ACYP2: variants seen among roughly 807,000 people sequenced by gnomAD.
The protein encoded by ACYP2 is acylphosphatase 2.
A neutral mutation model predicts 11.2 loss-of-function variants in ACYP2; 12 were observed. The ratio of observed to expected loss-of-function variants is 1.08; its 90% CI spans 0.69 to 1.74. ACYP2 has a LOEUF of 1.74. Ranked by LOEUF, ACYP2 falls within the 40% of genes most tolerant of loss-of-function variation. The pLI, the probability that ACYP2 is intolerant of heterozygous loss-of-function variation, is 0.00. For synonymous variants in ACYP2, 43 were observed against 32.2 expected (o/e 1.33, Z -1.13); for missense variants, 134 against 101.9 (o/e 1.31, Z -1.35).
At chr2:54,291,853 T>C (rs976915717) in intron 6 of ACYP2, among the ~76,000 whole-genome samples, 1 of 152,170 alleles carries the variant, frequency 6.6e-6, no homozygotes, top group Non-Finnish European at 1.5e-5. Context: ...TGAAATTGGG[T>C]CATAGAGATC....
intron 4 of ACYP2, among the ~76,000 whole-genome samples, chr2:54,108,078 C>G (rs1055636342): frequency 6.6e-6 from 1 of 152,158 alleles, no homozygotes; most frequent in South Asian, 2.1e-4. Context: ...TGGTGCCCCA[C>G]AAGCCAGTGA....
chr2:54,116,667 G>A (rs992120751), intron 4 of ACYP2, among the ~76,000 whole-genome samples: 2 of 152,110 alleles, frequency 1.3e-5, no homozygotes, highest in Admixed American at 6.5e-5. Context: ...AAGAACTAGC[G>A]CTCAAAGAAT....
At chr2:54,116,616 G>A (rs1341557725) in intron 4 of ACYP2, among the ~76,000 whole-genome samples, 5 of 151,608 alleles carry the variant, frequency 3.3e-5, no homozygotes, top group Admixed American at 1.3e-4. Flanking sequence ...TGACAATAAG[G>A]CTCTCTTAGA....
chr2:54,260,819 C>T (rs1182441432), intron 6 of ACYP2, among the ~76,000 whole-genome samples: 3 of 151,950 alleles, frequency 2.0e-5, no homozygotes, highest in African/African-American at 7.3e-5. Context: ...GAAGGATAGT[C>T]TATGTGTATA....
chr2:54,229,701 C>G (rs150740058), intron 6 of ACYP2, among the ~76,000 whole-genome samples: 1 of 152,146 alleles, frequency 6.6e-6, no homozygotes, highest in South Asian at 2.1e-4. Context: ...GCACCAAAGA[C>G]TAGTTTTTCT....
Position 54,286,366 on chromosome 2 carries a change from G to T in ACYP2, c.405-18322G>T, listed in dbSNP as rs138768236. Among the ~76,000 whole-genome samples the T allele has an allele frequency of 3.9e-5, 6 of 152,122 alleles. No homozygotes were observed. The East Asian group carries it at 1.2e-3, about 29-fold the overall frequency. On this transcript the variant is annotated intron_variant, in intron 6 of 6. Transcript: ENST00000607452. Reference sequence around the variant, plus strand: ...GATCAAAATTCAACATTTGAAGTAAGATTTCTACTAAATGTTTATCATGTT... The same window carrying T: ...GATCAAAATTCAACATTTGAAGTAATATTTCTACTAAATGTTTATCATGTT...
intron 4 of ACYP2, among the ~76,000 whole-genome samples, chr2:54,121,561 A>G (rs568969344): frequency 4.7e-4 from 72 of 152,372 alleles, no homozygotes; most frequent in Non-Finnish European, 7.9e-4. Flanking sequence ...TGGCTTTGTC[A>G]GATAATGCAT....
At chr2:54,039,667 C>T (rs1486811671) in intron 2 of ACYP2, among the ~76,000 whole-genome samples, 1 of 152,114 alleles carries the variant, frequency 6.6e-6, no homozygotes, top group African/African-American at 2.4e-5. Context: ...ATCCACCCAC[C>T]TCAGCCTCCC....
chr2:54,287,550 G>C (rs868776197), intron 6 of ACYP2, among the ~76,000 whole-genome samples: 5 of 151,944 alleles, frequency 3.3e-5, no homozygotes, highest in Non-Finnish European at 5.9e-5. Flanking sequence ...GACTAGGTTA[G>C]AGCAGGCAGT....
intron 6 of ACYP2, among the ~76,000 whole-genome samples, chr2:54,234,689 T>C (rs897872844): frequency 3.3e-5 from 5 of 152,338 alleles, no homozygotes; most frequent in African/African-American, 1.2e-4. Context: ...AGATTAATTT[T>C]TTCCTTAAAA....
intron 6 of ACYP2, among the ~76,000 whole-genome samples, chr2:54,286,048 A>G (rs543136690): frequency 6.6e-6 from 1 of 152,318 alleles, no homozygotes; most frequent in Non-Finnish European, 1.5e-5. Flanking sequence ...GTAAGTTGAA[A>G]ATACTGTAAG....
intron 6 of ACYP2, among the ~76,000 whole-genome samples, chr2:54,201,636 C>CTTTCTCTTTCTTTCTTTCTTTCTTTCTT (rs59874821): frequency 2.6e-4 from 24 of 93,686 alleles, no homozygotes; most frequent in African/African-American, 5.5e-4. Context: ...TTCTTTCTTT[C>CTTTCTCTTTCTTTCTTTCTTTCTTTCTT]TCTTTCTTTC....
intron 2 of ACYP2, among the ~76,000 whole-genome samples, chr2:54,035,391 G>A (rs1674840743): frequency 6.6e-6 from 1 of 150,578 alleles, no homozygotes; most frequent in Non-Finnish European, 1.5e-5. Flanking sequence ...TCAGCCTTCC[G>A]AGTAGCTGGG....
intron 4 of ACYP2, among the ~76,000 whole-genome samples, chr2:54,063,284 C>T (rs1259002479): frequency 6.6e-6 from 1 of 152,026 alleles, no homozygotes. Context: ...CTGCACCTGG[C>T]CATAATAATA....
intron 6 of ACYP2, among the ~76,000 whole-genome samples, chr2:54,186,769 C>T (rs990881595): frequency 6.6e-6 from 1 of 152,180 alleles, no homozygotes; most frequent in Admixed American, 6.5e-5. Flanking sequence ...CTGCCTCAGC[C>T]TCCCCAAGTG....
At chr2:54,088,269 G>A (rs1678043464) in intron 4 of ACYP2, among the ~76,000 whole-genome samples, 1 of 152,178 alleles carries the variant, frequency 6.6e-6, no homozygotes, top group Non-Finnish European at 1.5e-5. Flanking sequence ...GCCAGCATGA[G>A]GTCATGTTGG....
At chr2:54,158,182 C>A (rs146018239) in intron 6 of ACYP2, among the ~76,000 whole-genome samples, 1 of 147,662 alleles carries the variant, frequency 6.8e-6, no homozygotes, top group Non-Finnish European at 1.5e-5. Flanking sequence ...CCCACCACCA[C>A]GCCCAGTTAA....
intron 3 of ACYP2, among the ~76,000 whole-genome samples, chr2:54,052,077 TAAATAGAG>T (rs1410234774): frequency 6.8e-6 from 1 of 146,634 alleles, no homozygotes; most frequent in Admixed American, 6.7e-5. Context: ...AATAAATAAA[TAAATAGAG>T]GGAAGAGGAG....
intron 6 of ACYP2, among the ~76,000 whole-genome samples, chr2:54,182,929 T>C (rs1433325133): frequency 6.6e-6 from 1 of 152,208 alleles, no homozygotes; most frequent in African/African-American, 2.4e-5. Context: ...AGGATATCTA[T>C]GTTAAACCAA....
Sources: gnomAD v4.1 joint callset for allele counts (sites outside exome capture counted in the v4.1 genomes callset) on GRCh38, gnomAD v4.1.1 for gene constraint, MANE v1.5 for transcripts, NCBI Gene and HGNC (gene_info 2026-07-23, HGNC 2026-07-21) for gene names.